C12orf56: variants seen among roughly 807,000 people sequenced by gnomAD.
The protein encoded by C12orf56 is uncharacterized protein C12orf56.
Under a neutral mutation model 69.9 loss-of-function variants are expected in C12orf56, and 71 were observed. That is an observed-to-expected ratio of 1.02 (90% confidence interval 0.84 to 1.24). The LOEUF is 1.24. C12orf56 is among the 50% of genes most tolerant of loss of function. The pLI is 0.00. For missense variants in C12orf56, 732 were observed against 738.5 expected, an observed-to-expected ratio of 0.99 and a Z score of 0.10; for synonymous variants, 276 against 274.1, an observed-to-expected ratio of 1.01 and a Z score of -0.07.
intron 2 of C12orf56, chr12:64,338,558 G>A (rs192430372): frequency 1.3e-6 from 2 of 1,490,646 alleles, no homozygotes; most frequent in Non-Finnish European, 9.3e-7. Context: ...TTTGAGTCTT[G>A]CTTGATTCAT....
At chr12:64,284,353 T>G (rs1290890747) in intron 8 of C12orf56, among the ~76,000 whole-genome samples, 1 of 152,250 alleles carries the variant, frequency 6.6e-6, no homozygotes, top group African/African-American at 2.4e-5. Context: ...TATGGGAAAT[T>G]CTGGCGGAGA....
At chr12:64,317,744 G>A (rs2038707955) in intron 4 of C12orf56, among the ~76,000 whole-genome samples, 1 of 151,552 alleles carries the variant, frequency 6.6e-6, no homozygotes, top group Admixed American at 6.6e-5. Context: ...TGGGTGACAA[G>A]AGCGAAACTC....
chr12:64,384,728 A>G (rs1216279296), intron 1 of C12orf56, among the ~76,000 whole-genome samples: 1 of 152,168 alleles, frequency 6.6e-6, no homozygotes, highest in Non-Finnish European at 1.5e-5. Flanking sequence ...TAGGAAATTC[A>G]TAGACTGCTC....
At chr12:64,281,716 C>A (rs74097993) in intron 8 of C12orf56, among the ~76,000 whole-genome samples, 2,874 of 152,214 alleles carry the variant, frequency 0.019, 93 homozygotes, top group African/African-American at 0.065. Flanking sequence ...TCTACTATAG[C>A]AATGTAATAT....
At chr12:64,333,531 T>A (rs185830713) in intron 2 of C12orf56, among the ~76,000 whole-genome samples, 25 of 152,302 alleles carry the variant, frequency 1.6e-4, no homozygotes, top group Admixed American at 1.6e-3. Context: ...GAGAAGAGTC[T>A]CACTCTGTCG....
chr12:64,348,904 G>T (rs983944313), intron 2 of C12orf56, among the ~76,000 whole-genome samples: 1 of 152,272 alleles, frequency 6.6e-6, no homozygotes, highest in East Asian at 1.9e-4. Context: ...AAAGAAAAAC[G>T]TAAGGACTCA....
rs540815617 is a variant in C12orf56 at position 64,318,835 on chromosome 12, C to G, written c.634G>C (p.Gly212Arg). Residue 212 changes from glycine (G) to arginine (R), a missense_variant, in exon 4 of 13, where the codon GGC (glycine) becomes CGC (arginine). By Grantham distance (125) the Gly-to-Arg change is moderately radical. Coordinates refer to ENST00000543942, the MANE Select transcript of C12orf56 (RefSeq NM_001170633.2). ...CAAGATGGCTCGCTGACAGCCTTGCCAGTTGTTGGTGCAGACTGAGAGCTC... is the reference window on the plus strand; with the variant it reads ...CAAGATGGCTCGCTGACAGCCTTGCGAGTTGTTGGTGCAGACTGAGAGCTC... Reference protein sequence around the residue: ...RRSSQSAPTTGKAVSEPSCTT... With the variant: ...RRSSQSAPTTRKAVSEPSCTT... 9.1e-6 allele frequency: 14 copies of G among 1,537,160 alleles called. 1 individual carries two copies. In the South Asian group the frequency reaches 1.7e-4, roughly 18 times the overall value.
intron 1 of C12orf56, among the ~76,000 whole-genome samples, chr12:64,386,936 G>A (rs559723147): frequency 3.5e-4 from 53 of 151,312 alleles, no homozygotes; most frequent in African/African-American, 1.2e-3. Context: ...AAAATTAGCC[G>A]GGCATGGTGG....
chr12:64,338,483 ACAAT>A, intron 2 of C12orf56: 1 of 932,254 alleles, frequency 1.1e-6, no homozygotes, highest in Non-Finnish European at 1.8e-6. Flanking sequence ...CCTGCAACAA[ACAAT>A]CATTCAGGGC....
intron 6 of C12orf56, among the ~76,000 whole-genome samples, chr12:64,302,397 A>C (rs2136802806): frequency 6.6e-6 from 1 of 152,276 alleles, no homozygotes; most frequent in South Asian, 2.1e-4. Flanking sequence ...GTCCCAGGAA[A>C]ACTGGAATAG....
At chr12:64,363,534 G>A (rs1007747231) in intron 1 of C12orf56, among the ~76,000 whole-genome samples, 7 of 152,282 alleles carry the variant, frequency 4.6e-5, no homozygotes, top group African/African-American at 7.2e-5. Context: ...GCCCCTTTGC[G>A]AGGAGGAGGA....
At chr12:64,367,744 TC>T (rs142617537) in intron 1 of C12orf56, among the ~76,000 whole-genome samples, 15,732 of 151,270 alleles carry the variant, frequency 0.1, 1,214 homozygotes, top group East Asian at 0.36. Flanking sequence ...CCCCAAGCGA[TC>T]CACCTGCCGC....
At chr12:64,341,120 A>G (rs183673310) in intron 2 of C12orf56, among the ~76,000 whole-genome samples, 8 of 152,282 alleles carry the variant, frequency 5.3e-5, no homozygotes, top group African/African-American at 1.7e-4. Flanking sequence ...GAGGAGCCCA[A>G]TGTGTCCAGG....
chr12:64,315,332 C>A (rs2038678305), intron 4 of C12orf56, among the ~76,000 whole-genome samples: 1 of 146,984 alleles, frequency 6.8e-6, no homozygotes, highest in South Asian at 2.1e-4. Flanking sequence ...TTAAAGCAGC[C>A]TTTCTTCCCT....
intron 9 of C12orf56, among the ~76,000 whole-genome samples, chr12:64,277,009 A>AAAAAAAAAAAAAAAC (rs1483582212): frequency 3.3e-5 from 5 of 149,596 alleles, no homozygotes; most frequent in Non-Finnish European, 7.4e-5. Context: ...AAAAAAAAAA[A>AAAAAAAAAAAAAAAC]AAAAAAATTA....
chr12:64,287,246 A>C (rs2038216772), intron 6 of C12orf56, among the ~76,000 whole-genome samples: 4 of 20,866 alleles, frequency 1.9e-4, no homozygotes, highest in East Asian at 8.3e-3. Context: ...ACTCCATCAA[A>C]AAAAAAAAAA....
rs970704039 is a variant in C12orf56 at position 64,312,877 on chromosome 12, A to G, written c.895-125T>C. 8 of 644,060 alleles carry G rather than the reference A, an allele frequency of 1.2e-5. No individual in the cohort carries two copies. The African/African-American group carries it at 1.3e-4, about 10-fold the overall frequency. The allele number at this position is 644,060 out of a possible 1,614,324, so 39.9% of individuals were successfully genotyped here. A position where few individuals can be genotyped will look rare whatever the true frequency, so the allele number is the denominator to read the frequency against. Reference sequence around the variant, plus strand: ...CTATAGTACACGATTTGTTTATAAAACTCATTCTAGTGTTTAATAATACCA... The same window carrying G: ...CTATAGTACACGATTTGTTTATAAAGCTCATTCTAGTGTTTAATAATACCA... On this transcript the variant is annotated intron_variant, in intron 4 of 12. Transcript: ENST00000543942.
intron 1 of C12orf56, among the ~76,000 whole-genome samples, chr12:64,369,720 C>T (rs569781023): frequency 1.0e-3 from 155 of 151,798 alleles, no homozygotes; most frequent in Non-Finnish European, 1.9e-3. Flanking sequence ...TGGTGGCTCA[C>T]GCCTGTAATC....
chr12:64,344,105 A>G (rs1418083473), intron 2 of C12orf56, among the ~76,000 whole-genome samples: 3 of 152,194 alleles, frequency 2.0e-5, no homozygotes, highest in African/African-American at 7.2e-5. Context: ...GCTCAGAGCC[A>G]TTGTCCAGTA....
Sources: allele counts gnomAD v4.1 joint callset (sites outside exome capture counted in the v4.1 genomes callset), GRCh38; gene constraint gnomAD v4.1.1; transcripts MANE v1.5; gene names NCBI Gene and HGNC (gene_info 2026-07-23, HGNC 2026-07-21).